Variants in CFHR5 observed in about 807,000 individuals in gnomAD.
CFHR5 encodes the protein complement factor H related 5, also known as complement factor H-related protein 5.
CFHR5 carries 73 observed loss-of-function variants against 62.9 expected under a neutral mutation model. The observed-to-expected ratio is 1.16, with a 90% CI of 0.96 to 1.41. The LOEUF is 1.41. Ranked by LOEUF, CFHR5 falls within the 40% of genes most tolerant of loss-of-function variation. The probability of loss-of-function intolerance (pLI) is 0.00; values close to 1 mark genes in which losing one functional copy is unlikely to be tolerated. For synonymous variants in CFHR5, 249 were observed against 227.2 expected (o/e 1.10, Z -0.86); for missense variants, 779 against 679.9 (o/e 1.15, Z -1.62).
At chr1:196,999,722 TACAC>T (rs60382421) in intron 7 of CFHR5, among the ~76,000 whole-genome samples, 42 of 116,004 alleles carry the variant, frequency 3.6e-4, no homozygotes, top group East Asian at 1.2e-3. Context: ...TATATATATA[TACAC>T]ACACACACAT....
At chr1:196,984,223 G>T in intron 3 of CFHR5, 86 bp downstream of exon 3, 1 of 1,124,676 alleles carries the variant, frequency 8.9e-7, no homozygotes. Context: ...GTTAAATATA[G>T]GTTTCACCAC....
upstream of CFHR5, among the ~76,000 whole-genome samples, chr1:196,975,782 T>C (rs1653382667): frequency 6.6e-6 from 1 of 152,196 alleles, no homozygotes; most frequent in Non-Finnish European, 1.5e-5. Flanking sequence ...TTTGTTTTTC[T>C]TGTAGACACA....
At chr1:196,978,363 A>G (rs541831681) in intron 1 of CFHR5, among the ~76,000 whole-genome samples, 1 of 152,140 alleles carries the variant, frequency 6.6e-6, no homozygotes, top group East Asian at 1.9e-4. Context: ...AAACTATCCC[A>G]TTTTATTTCA....
intron 9 of CFHR5, among the ~76,000 whole-genome samples, chr1:197,007,812 T>C (rs1299849558): frequency 1.4e-5 from 2 of 147,484 alleles, no homozygotes; most frequent in African/African-American, 4.9e-5. Context: ...ATATAATCCA[T>C]ATATTATACA....
rs747395792 is a variant in CFHR5, at chr1:196,996,037, G to A, written c.806G>A (p.Cys269Tyr). The A allele has an allele frequency of 1.9e-6, 3 of 1,613,826 alleles. No individual in the cohort carries two copies. Among genetic ancestry groups the A allele is most frequent in the East Asian group, 4.5e-5 (2 of 44,846 alleles). Residue 269 changes from cysteine (C) to tyrosine (Y), a missense_variant, in exon 6 of 10, where the codon TGT becomes TAT. Coordinates refer to ENST00000256785, the MANE Select transcript of CFHR5 (RefSeq NM_030787.4). ...ATTTTCTTAGAACAAGTGAAAACATGTGGATACATACCTGAACTCGAGTAC... is the reference window on the plus strand; with the variant it reads ...ATTTTCTTAGAACAAGTGAAAACATATGGATACATACCTGAACTCGAGTAC... ...LPTCVEQVKT[C>Y]GYIPELEYGY...
chr1:196,978,977 C>G (rs575850905), intron 1 of CFHR5, among the ~76,000 whole-genome samples: 20 of 152,188 alleles, frequency 1.3e-4, no homozygotes, highest in Non-Finnish European at 2.1e-4. Flanking sequence ...GTTAAATGAC[C>G]TGTAAGTGTG....
rs116891819 is a variant in CFHR5 at position 196,998,398 on chromosome 1, G to T, written c.1147+94G>T. 7.4e-4 allele frequency: 766 copies of T among 1,038,796 alleles called. 7 individuals are homozygous for T. In the East Asian group the frequency reaches 0.018, roughly 24 times the overall value. The allele number at this position is 1,038,796 out of a possible 1,614,324, so 64.3% of individuals were successfully genotyped here. ...AATGTTTTTAAATTAAATATTTATTGTGGCATATAATTTCTATGCTAATAG... is the reference window on the plus strand; with the variant it reads ...AATGTTTTTAAATTAAATATTTATTTTGGCATATAATTTCTATGCTAATAG... On this transcript the variant is annotated intron_variant, in intron 7 of 9. Coordinates refer to ENST00000256785, the MANE Select transcript of CFHR5 (RefSeq NM_030787.4).
rs1167551435 is a variant in CFHR5, at chr1:197,008,863, A to G, written c.*180A>G. The G allele has an allele frequency of 1.6e-6, 1 of 609,262 alleles. No individual in the cohort carries two copies. Among genetic ancestry groups the G allele is most frequent in the Non-Finnish European group, 2.9e-6 (1 of 341,242 alleles). 37.7% of individuals were successfully genotyped at this position (609,262 alleles called of 1,614,324 possible). A position where few individuals can be genotyped will look rare whatever the true frequency, so the allele number is the denominator to read the frequency against. On this transcript the variant is annotated 3_prime_UTR_variant, in exon 10 of 10. Coordinates refer to ENST00000256785, the MANE Select transcript of CFHR5 (RefSeq NM_030787.4). ...TTGTAAGCTGAGAGAACAATGTTTC[A>G]CTTAATAGGAGGGTGTCTTAGTCCA...
At chr1:197,007,218 T>G (rs1654312510) in intron 9 of CFHR5, among the ~76,000 whole-genome samples, 1 of 151,796 alleles carries the variant, frequency 6.6e-6, no homozygotes, top group South Asian at 2.1e-4. Flanking sequence ...GGGAAATTGT[T>G]TAAGGCCCTG....
intron 4 of CFHR5, 111 bp downstream of exon 4, chr1:196,994,367 G>C (rs553438814): frequency 4.4e-5 from 40 of 902,958 alleles, no homozygotes; most frequent in Non-Finnish European, 6.8e-5. Flanking sequence ...GTGGTAAAAT[G>C]GCAAAGGAGA....
At chr1:196,999,845 T>G (rs1267250255) in intron 7 of CFHR5, among the ~76,000 whole-genome samples, 1 of 148,756 alleles carries the variant, frequency 6.7e-6, no homozygotes, top group Non-Finnish European at 1.5e-5. Context: ...ATAATATATA[T>G]GTATATCCTA....
At chr1:196,985,745 G>T (rs1055637714) in intron 3 of CFHR5, among the ~76,000 whole-genome samples, 2 of 152,186 alleles carry the variant, frequency 1.3e-5, no homozygotes, top group Non-Finnish European at 2.9e-5. Context: ...TGTACAGTCT[G>T]TAAGATTTTG....
At chr1:196,982,045 A>T (rs1454785062) in intron 1 of CFHR5, among the ~76,000 whole-genome samples, 1 of 152,122 alleles carries the variant, frequency 6.6e-6, no homozygotes, top group Non-Finnish European at 1.5e-5. Flanking sequence ...CTGAAACCAC[A>T]TAAACTTTGT....
chr1:197,004,860 C>A lies in CFHR5; in HGVS notation c.1513+17C>A. ...GATGCCTAGGTGAGTTCTTAATATT[C>A]TCTTGGAATCTGAGATTTAATATTT... On this transcript the variant is annotated intron_variant, in intron 9 of 9. Transcript: ENST00000256785. 6.4e-7 allele frequency: 1 copy of A among 1,568,114 alleles called. No individual in the cohort carries two copies. The highest frequency in any genetic ancestry group is 8.8e-7 in the Non-Finnish European group (1 of 1,138,526).
At chr1:196,979,663 G>C (rs1199128919) in intron 1 of CFHR5, among the ~76,000 whole-genome samples, 1 of 151,996 alleles carries the variant, frequency 6.6e-6, no homozygotes, top group Non-Finnish European at 1.5e-5. Flanking sequence ...TGAAGGCTTA[G>C]CACATTACCA....
At chr1:196,976,519 C>A (rs1472373440), upstream of CFHR5, among the ~76,000 whole-genome samples, 1 of 152,078 alleles carries the variant, frequency 6.6e-6, no homozygotes, top group Non-Finnish European at 1.5e-5. Context: ...AATTGGGCTG[C>A]GAGACAGAGG....
At chr1:196,985,246 G>A (rs1476836974) in intron 3 of CFHR5, among the ~76,000 whole-genome samples, 5 of 151,986 alleles carry the variant, frequency 3.3e-5, no homozygotes, top group African/African-American at 4.8e-5. Context: ...TGTAGTCCCC[G>A]CCACTGGCAA....
chr1:196,984,053 A>G lies in CFHR5; in HGVS notation c.346A>G (p.Thr116Ala), dbSNP rs1558282752. 1.9e-6 allele frequency: 3 copies of G among 1,613,684 alleles called. No homozygotes were observed. The highest frequency in any genetic ancestry group is 2.5e-6 in the Non-Finnish European group (3 of 1,179,700). ...EGDTVQIICN[T>A]GYSLQNNEKN... ...TGATACTGTACAAATTATTTGCAAC[A>G]CAGGATACAGCCTTCAAAACAATGA... Residue 116 changes from threonine (T) to alanine (A), a missense_variant, in exon 3 of 10, where the codon ACA becomes GCA. Transcript: ENST00000256785.
In CFHR5 at chr1:196,984,201, G is replaced by A. The variant is rs575217186; in HGVS notation, c.430+64G>A. 2.2e-6 allele frequency: 3 copies of A among 1,359,028 alleles called. No individual in the cohort carries two copies. In the South Asian group the frequency reaches 3.6e-5, roughly 16 times the overall value. The allele number at this position is 1,359,028 out of a possible 1,614,324, so 84.2% of individuals were successfully genotyped here. On this transcript the variant is annotated intron_variant, in intron 3 of 9. Coordinates refer to ENST00000256785, the MANE Select transcript of CFHR5 (RefSeq NM_030787.4). ...TAAAGAAATAAATCTATAGTTTATA[G>A]ATTAAATATAGGTTAAATATAGGTT...
Sources: gnomAD v4.1 joint callset for allele counts (sites outside exome capture counted in the v4.1 genomes callset) on GRCh38, gnomAD v4.1.1 for gene constraint, MANE v1.5 for transcripts, NCBI Gene and HGNC (gene_info 2026-07-23, HGNC 2026-07-21) for gene names.